The following TMEM132D variants were observed in gnomAD, a reference collection of about 807,000 sequenced individuals.
The protein encoded by TMEM132D is mature OL transmembrane protein.
TMEM132D carries 21 observed loss-of-function variants against 62.3 expected under a neutral mutation model. The ratio of observed to expected loss-of-function variants is 0.34; its 90% CI spans 0.24 to 0.49. The LOEUF is 0.49. TMEM132D is among the 20% of genes least tolerant of loss of function. The pLI is 0.99. For missense variants in TMEM132D, 1,346 were observed against 1,402.8 expected (o/e 0.96, Z 0.65); for synonymous variants, 621 against 575.6 (o/e 1.08, Z -1.13).
intron 5 of TMEM132D, among the ~76,000 whole-genome samples, chr12:129,177,613 C>T (rs1326263434): frequency 1.3e-5 from 2 of 152,046 alleles, no homozygotes; most frequent in Non-Finnish European, 2.9e-5. Context: ...AAAAAGTTAG[C>T]CAGGCATGGT....
intron 3 of TMEM132D, among the ~76,000 whole-genome samples, chr12:129,516,251 A>C (rs1364609751): frequency 6.6e-6 from 1 of 151,998 alleles, no homozygotes; most frequent in Non-Finnish European, 1.5e-5. Context: ...ATCTGACCCA[A>C]CTCCAAAAGT....
intron 5 of TMEM132D, among the ~76,000 whole-genome samples, chr12:129,202,004 G>T (rs939462846): frequency 1.1e-4 from 13 of 117,090 alleles, no homozygotes; most frequent in African/African-American, 3.2e-4. Flanking sequence ...GGGACCTGTT[G>T]CCTTCTTGAA....
intron 2 of TMEM132D, among the ~76,000 whole-genome samples, chr12:129,575,546 T>G (rs1877637384): frequency 6.6e-6 from 1 of 151,894 alleles, no homozygotes; most frequent in Non-Finnish European, 1.5e-5. Flanking sequence ...GCTGCGTCCA[T>G]GTGCCAGACT....
At chr12:129,176,658 C>A (rs1877914545) in intron 5 of TMEM132D, among the ~76,000 whole-genome samples, 1 of 152,200 alleles carries the variant, frequency 6.6e-6, no homozygotes, top group Admixed American at 6.5e-5. Flanking sequence ...AATTAAAATC[C>A]ACTTCAAGAC....
chr12:129,808,361 G>A (rs1269765039), intron 1 of TMEM132D, among the ~76,000 whole-genome samples: 5 of 152,102 alleles, frequency 3.3e-5, no homozygotes, highest in Non-Finnish European at 7.4e-5. Context: ...CTCTCGGGTT[G>A]GTTCAGAAAA....
intron 1 of TMEM132D, among the ~76,000 whole-genome samples, chr12:129,750,186 C>A (rs1006617023): frequency 6.6e-6 from 1 of 151,928 alleles, no homozygotes; most frequent in Non-Finnish European, 1.5e-5. Context: ...CCCAGGTTCA[C>A]GTCATTCTCC....
chr12:129,128,627 C>T (rs1227609067), intron 5 of TMEM132D, among the ~76,000 whole-genome samples: 2 of 152,148 alleles, frequency 1.3e-5, no homozygotes, highest in South Asian at 2.1e-4. Context: ...ACCATACCAA[C>T]GGGATACATG....
intron 1 of TMEM132D, among the ~76,000 whole-genome samples, chr12:129,799,040 C>A (rs368099216): frequency 1.3e-5 from 2 of 152,118 alleles, no homozygotes; most frequent in East Asian, 3.9e-4. Context: ...CCAAGGCGGG[C>A]GGATCACAAG....
intron 3 of TMEM132D, among the ~76,000 whole-genome samples, chr12:129,451,363 A>T (rs1046151304): frequency 6.6e-6 from 1 of 152,244 alleles, no homozygotes; most frequent in African/African-American, 2.4e-5. Flanking sequence ...GCAACTGCAT[A>T]GCTGCACCCC....
At chr12:129,253,974 C>T (rs1880337129) in intron 4 of TMEM132D, among the ~76,000 whole-genome samples, 2 of 152,278 alleles carry the variant, frequency 1.3e-5, no homozygotes, top group Admixed American at 1.3e-4. Context: ...AAAAAGGAAA[C>T]CTTTCTGATT....
intron 2 of TMEM132D, among the ~76,000 whole-genome samples, chr12:129,632,795 C>T (rs1879381477): frequency 6.6e-6 from 1 of 152,238 alleles, no homozygotes; most frequent in African/African-American, 2.4e-5. Flanking sequence ...GTATGGACCC[C>T]AAGCTGCCTT....
intron 4 of TMEM132D, among the ~76,000 whole-genome samples, chr12:129,314,765 T>C (rs981193984): frequency 1.7e-4 from 26 of 152,340 alleles, no homozygotes; most frequent in African/African-American, 4.1e-4. Context: ...TGGGATGTGT[T>C]TCCATTTGTT....
At chr12:129,361,123 G>T (rs1870236848) in intron 3 of TMEM132D, among the ~76,000 whole-genome samples, 1 of 152,190 alleles carries the variant, frequency 6.6e-6, no homozygotes, top group Non-Finnish European at 1.5e-5. Flanking sequence ...AGTGTTTGGA[G>T]TGTTGGGAAT....
intron 5 of TMEM132D, among the ~76,000 whole-genome samples, chr12:129,113,677 A>C (rs1875796760): frequency 6.6e-6 from 1 of 152,052 alleles, no homozygotes; most frequent in African/African-American, 2.4e-5. Context: ...CCCATTGAAA[A>C]TGTGTCCTTT....
Position 129,903,118 on chromosome 12 carries a change from C to T in TMEM132D, c.79+143G>A. 2 of 891,318 alleles carry T rather than the reference C, an allele frequency of 2.2e-6. No individual in the cohort carries two copies. Among genetic ancestry groups the T allele is most frequent in the Non-Finnish European group, 3.4e-6 (2 of 580,232 alleles). 55.2% of individuals were successfully genotyped at this position (891,318 alleles called of 1,614,324 possible). ...TGCCGCACGAGCGCACGTTCACACGCGCGCACACACACATGCACACAAGCG... is the reference window on the plus strand; with the variant it reads ...TGCCGCACGAGCGCACGTTCACACGTGCGCACACACACATGCACACAAGCG... On this transcript the variant is annotated intron_variant, in intron 1 of 8. Coordinates refer to ENST00000422113, the MANE Select transcript of TMEM132D (RefSeq NM_133448.3). This position sits in a 1 kb window ranked among gnomAD's most constrained non-coding sequence, Gnocchi z 6.2.
chr12:129,689,232 C>A (rs73158829), intron 2 of TMEM132D, among the ~76,000 whole-genome samples: 1 of 152,096 alleles, frequency 6.6e-6, no homozygotes, highest in South Asian at 2.1e-4. Context: ...GGAACAGGGG[C>A]AGCACTTAAA....
chr12:129,585,136 A>G (rs1399052716), intron 2 of TMEM132D, among the ~76,000 whole-genome samples: 1 of 152,202 alleles, frequency 6.6e-6, no homozygotes, highest in African/African-American at 2.4e-5. Flanking sequence ...TATCATTTTC[A>G]TTAGGAATTA....
intron 5 of TMEM132D, among the ~76,000 whole-genome samples, chr12:129,203,053 A>G (rs1214496169): frequency 1.3e-5 from 2 of 152,202 alleles, no homozygotes; most frequent in East Asian, 1.9e-4. Context: ...AGGTTTCTCC[A>G]TGCCTACTGA....
chr12:129,231,652 G>C (rs1446172962), intron 4 of TMEM132D, among the ~76,000 whole-genome samples: 1 of 152,198 alleles, frequency 6.6e-6, no homozygotes, highest in African/African-American at 2.4e-5. Context: ...GAAAGCAGCT[G>C]TGGCTGATGA....
Sources: gnomAD v4.1 joint callset for allele counts (sites outside exome capture counted in the v4.1 genomes callset) on GRCh38, gnomAD v4.1.1 for gene constraint, Gnocchi (gnomAD v3.1) non-coding constraint, MANE v1.5 for transcripts, NCBI Gene and HGNC (gene_info 2026-07-23, HGNC 2026-07-21) for gene names.